The following SHTN1 variants were observed in gnomAD, a reference collection of about 807,000 sequenced individuals.
The protein encoded by SHTN1 is shootin 1, also known as shootin-1.
A neutral mutation model predicts 83.1 loss-of-function variants in SHTN1; 42 were observed. That is an observed-to-expected ratio of 0.51 (90% CI 0.39 to 0.65). The LOEUF is 0.65. Ranked by LOEUF, SHTN1 falls within the 30% of genes least tolerant of loss-of-function variation. The pLI is 0.00. For synonymous variants in SHTN1, 224 were observed against 247.7 expected (o/e 0.90, Z 0.90); for missense variants, 622 against 737.8 (o/e 0.84, Z 1.82).
At chr10:116,976,234 A>G (rs186181303) in intron 2 of SHTN1, among the ~76,000 whole-genome samples, 28 of 152,220 alleles carry the variant, frequency 1.8e-4, no homozygotes, top group Middle Eastern at 3.4e-3. Flanking sequence ...AGCTTCTTAC[A>G]CCATGCAGCC....
chr10:116,970,151 A>G (rs1372408228), intron 2 of SHTN1, among the ~76,000 whole-genome samples: 5 of 152,160 alleles, frequency 3.3e-5, no homozygotes, highest in African/African-American at 9.7e-5. Context: ...AAAATCTGAT[A>G]CCAGGAGACA....
At chr10:117,005,892 A>G (rs576370288), upstream of SHTN1, among the ~76,000 whole-genome samples, 25 of 152,280 alleles carry the variant, frequency 1.6e-4, no homozygotes, top group African/African-American at 5.8e-4. Flanking sequence ...TTCCCTTTAG[A>G]GAGGGTGCCA....
chr10:117,005,560 G>C (rs1194416690), upstream of SHTN1: 2 of 1,000,454 alleles, frequency 2.0e-6, no homozygotes, highest in African/African-American at 1.7e-5. Context: ...GAACCACAGA[G>C]GTAGAGCGGG....
chr10:116,895,815 G>A (rs1415300438), intron 16 of SHTN1, among the ~76,000 whole-genome samples: 1 of 152,150 alleles, frequency 6.6e-6, no homozygotes, highest in Non-Finnish European at 1.5e-5. Context: ...GTAATTTTGG[G>A]CAAGTTGTTT....
intron 16 of SHTN1, among the ~76,000 whole-genome samples, chr10:116,898,409 C>G (rs778192201): frequency 6.6e-6 from 1 of 151,770 alleles, no homozygotes; most frequent in Non-Finnish European, 1.5e-5. Flanking sequence ...AATAAAATAT[C>G]TTACTATATT....
chr10:117,115,316 G>C (rs2133642090), intron 1 of SHTN1, among the ~76,000 whole-genome samples: 1 of 152,068 alleles, frequency 6.6e-6, no homozygotes, highest in African/African-American at 2.4e-5. Context: ...TTGCAATACT[G>C]TTGTGAGAAT....
At chr10:117,017,347 C>T (rs558481483) in intron 2 of SHTN1, among the ~76,000 whole-genome samples, 10 of 151,960 alleles carry the variant, frequency 6.6e-5, no homozygotes, top group Non-Finnish European at 1.2e-4. Flanking sequence ...AAAAATTAGC[C>T]GGGTGCAGTG....
intron 2 of SHTN1, among the ~76,000 whole-genome samples, chr10:116,968,927 T>A (rs1210133586): frequency 6.6e-6 from 1 of 152,238 alleles, no homozygotes; most frequent in African/African-American, 2.4e-5. Context: ...TCAGACCTTC[T>A]AAGATATAAG....
intron 13 of SHTN1, among the ~76,000 whole-genome samples, chr10:116,914,753 G>C (rs895930717): frequency 1.3e-5 from 2 of 152,188 alleles, no homozygotes; most frequent in Non-Finnish European, 2.9e-5. Context: ...AAAGGCAGGG[G>C]AGAGATCATG....
In SHTN1 at chr10:116,886,024, G is replaced by A. The variant is rs1847151959; in HGVS notation, c.*320C>T. ...ACTTTCAGCATTCCATTTGATGAGTGGTATGCACATTTCCTAAAAAGGTAT... is the reference window on the plus strand; with the variant it reads ...ACTTTCAGCATTCCATTTGATGAGTAGTATGCACATTTCCTAAAAAGGTAT... On this transcript the variant is annotated 3_prime_UTR_variant, in exon 17 of 17. Transcript: ENST00000355371. 1 of 314,100 alleles carries A rather than the reference G, an allele frequency of 3.2e-6. No individual in the cohort carries two copies. Among genetic ancestry groups the A allele is most frequent in the African/African-American group, 2.1e-5 (1 of 46,982 alleles). 19.5% of individuals were successfully genotyped at this position (314,100 alleles called of 1,614,324 possible).
intron 1 of SHTN1, among the ~76,000 whole-genome samples, chr10:116,997,023 A>G (rs1434071259): frequency 1.3e-5 from 2 of 152,234 alleles, no homozygotes; most frequent in African/African-American, 2.4e-5. Flanking sequence ...GGATGAAGGA[A>G]ACTATCTGCC....
intron 1 of SHTN1, among the ~76,000 whole-genome samples, chr10:117,063,102 CCT>C (rs1262812476): frequency 6.6e-6 from 1 of 152,106 alleles, no homozygotes; most frequent in Non-Finnish European, 1.5e-5. Context: ...GATTCTTTTC[CCT>C]CCCCTAATTT....
chr10:116,923,560 C>CTTT (rs113330291), intron 11 of SHTN1, among the ~76,000 whole-genome samples: 1 of 143,842 alleles, frequency 7.0e-6, no homozygotes, highest in Non-Finnish European at 1.5e-5. Context: ...CCTTTCTTTC[C>CTTT]TTTTTTTTTT....
chr10:116,919,018 A>G (rs1848464726), intron 12 of SHTN1, among the ~76,000 whole-genome samples: 1 of 152,172 alleles, frequency 6.6e-6, no homozygotes, highest in South Asian at 2.1e-4. Context: ...ATAAGTAAGG[A>G]GTAAAAGTTT....
At chr10:116,911,923 A>AT in intron 13 of SHTN1, 80 bp from the exon 14 acceptor site, 2 of 986,126 alleles carry the variant, frequency 2.0e-6, no homozygotes, top group Non-Finnish European at 3.3e-6. Flanking sequence ...ATGGCAAACT[A>AT]TTAGTAGCCT....
At chr10:116,912,414 A>G (rs1848234382) in intron 13 of SHTN1, among the ~76,000 whole-genome samples, 1 of 152,234 alleles carries the variant, frequency 6.6e-6, no homozygotes, top group Non-Finnish European at 1.5e-5. Flanking sequence ...GAAAGTTAGC[A>G]TGGCTGGCTG....
At position 116,886,655 on chromosome 10, in the gene SHTN1, C is replaced by T. The variant is rs998526617; in HGVS notation, c.1674-89G>A. On this transcript the variant is annotated intron_variant, in intron 16 of 16. Coordinates refer to ENST00000355371, the MANE Select transcript of SHTN1 (RefSeq NM_001127211.3). The stretch of plus-strand genomic sequence containing the variant: ...ATTCTGGATTCAGACTAACATAAAA[C>T]CCAAAATGTTCTAAGTCTAATCAAC... 5.8e-6 allele frequency: 9 copies of T among 1,548,844 alleles called. No homozygotes were observed. The East Asian group carries it at 1.1e-4, about 19-fold the overall frequency.
At chr10:117,103,223 G>A (rs1481369136) in intron 1 of SHTN1, among the ~76,000 whole-genome samples, 2 of 151,914 alleles carry the variant, frequency 1.3e-5, no homozygotes, top group East Asian at 3.9e-4. Flanking sequence ...CTAAGTAGCT[G>A]GGATTACAGG....
chr10:117,073,290 C>T (rs1853110371), intron 1 of SHTN1, among the ~76,000 whole-genome samples: 1 of 152,114 alleles, frequency 6.6e-6, no homozygotes, highest in African/African-American at 2.4e-5. Context: ...AGTAGATGTC[C>T]AAATAACTAC....
Sources: gnomAD v4.1 joint callset for allele counts (sites outside exome capture counted in the v4.1 genomes callset) on GRCh38, gnomAD v4.1.1 for gene constraint, MANE v1.5 for transcripts, NCBI Gene and HGNC (gene_info 2026-07-23, HGNC 2026-07-21) for gene names.